The following CHRNA7 variants were observed in gnomAD, a reference collection of about 807,000 sequenced individuals.
CHRNA7 encodes cholinergic receptor nicotinic alpha 7 subunit.
A neutral mutation model predicts 48.0 loss-of-function variants in CHRNA7; 17 were observed. The observed-to-expected ratio is 0.35, with a 90% CI of 0.24 to 0.53. CHRNA7 has a LOEUF of 0.53. Ranked by LOEUF, CHRNA7 falls within the 20% of genes least tolerant of loss-of-function variation. The probability of loss-of-function intolerance (pLI) is 0.92; values close to 1 mark genes in which losing one functional copy is unlikely to be tolerated. For missense variants in CHRNA7, 155 were observed against 577.7 expected, an observed-to-expected ratio of 0.27 and a Z score of 7.50; for synonymous variants, 75 against 242.3, an observed-to-expected ratio of 0.31 and a Z score of 6.41.
chr15:32,051,354 C>T (rs1406006858), intron 2 of CHRNA7, among the ~76,000 whole-genome samples: 10 of 152,300 alleles, frequency 6.6e-5, no homozygotes, highest in South Asian at 6.2e-4. Flanking sequence ...TAGGCAATGG[C>T]GGGCGCCCCT....
intron 2 of CHRNA7, among the ~76,000 whole-genome samples, chr15:32,037,834 G>A (rs1902165741): frequency 6.6e-6 from 1 of 151,506 alleles, no homozygotes; most frequent in African/African-American, 2.4e-5. Flanking sequence ...TTTTCTACAT[G>A]AACGATCATG....
At position 32,136,497 on chromosome 15, in the gene CHRNA7, C is replaced by CA. The variant is rs34839510; in HGVS notation, c.351-17393dup. On this transcript the variant is annotated intron_variant, in intron 4 of 9. Transcript: ENST00000306901. ...TGAGTGACAGAGCAAGACTCCATCT[C>CA]AAAAAAAAAAAAAAAAAGATGGAAT... Among the ~76,000 whole-genome samples, 375 of 110,270 alleles carry CA rather than the reference C, an allele frequency of 3.4e-3. 3 individuals are homozygous for CA. Among genetic ancestry groups the CA allele is most frequent in the South Asian group, 0.014 (46 of 3,376 alleles). The allele number at this position is 110,270 out of a possible 152,430, so 72.3% of individuals were successfully genotyped here.
At chr15:32,096,393 G>T (rs1400679573) in intron 2 of CHRNA7, among the ~76,000 whole-genome samples, 2 of 152,096 alleles carry the variant, frequency 1.3e-5, no homozygotes, top group Non-Finnish European at 2.9e-5. Flanking sequence ...TGAGTCTTTT[G>T]TCAGACCTAC....
intron 4 of CHRNA7, among the ~76,000 whole-genome samples, chr15:32,134,249 C>A (rs996541030): frequency 6.6e-6 from 1 of 151,952 alleles, no homozygotes; most frequent in South Asian, 2.1e-4. Flanking sequence ...ACCTTCACTT[C>A]CCAAGTTCAA....
At chr15:32,138,822 C>T (rs920815394) in intron 4 of CHRNA7, among the ~76,000 whole-genome samples, 2 of 151,976 alleles carry the variant, frequency 1.3e-5, no homozygotes, top group Admixed American at 6.6e-5. Context: ...GGTGCGATCT[C>T]GGCTCACTGC....
intron 2 of CHRNA7, among the ~76,000 whole-genome samples, chr15:32,048,922 T>G (rs28813175): frequency 0.034 from 5,108 of 151,498 alleles, 122 homozygotes; most frequent in Middle Eastern, 0.085. Context: ...TTCATTTCGT[T>G]ATGTACCCAG....
At chr15:32,037,530 A>T (rs996552664) in intron 2 of CHRNA7, among the ~76,000 whole-genome samples, 5 of 152,034 alleles carry the variant, frequency 3.3e-5, no homozygotes, top group Non-Finnish European at 5.9e-5. Context: ...ACAATACTGA[A>T]TTTTTCTATT....
chr15:32,118,712 G>A (rs1251980294), intron 4 of CHRNA7, among the ~76,000 whole-genome samples: 1 of 152,118 alleles, frequency 6.6e-6, no homozygotes, highest in Non-Finnish European at 1.5e-5. Flanking sequence ...TGGGAACTAA[G>A]GATTCAGCAG....
At chr15:32,044,884 C>G (rs2049512741) in intron 2 of CHRNA7, among the ~76,000 whole-genome samples, 1 of 152,204 alleles carries the variant, frequency 6.6e-6, no homozygotes, top group Admixed American at 6.5e-5. Flanking sequence ...ATGGAGAAGA[C>G]TAATTTATTC....
intron 2 of CHRNA7, among the ~76,000 whole-genome samples, chr15:32,068,083 A>G (rs1595408256): frequency 1.3e-5 from 2 of 152,276 alleles, no homozygotes; most frequent in East Asian, 3.9e-4. Context: ...AGGCTGAGAC[A>G]GGAGGATTGC....
At chr15:32,087,793 T>C (rs2050322246) in intron 2 of CHRNA7, among the ~76,000 whole-genome samples, 1 of 152,218 alleles carries the variant, frequency 6.6e-6, no homozygotes, top group South Asian at 2.1e-4. Context: ...GCAATGCTGA[T>C]ACACAGTTCC....
chr15:32,069,653 C>A (rs1033780363), intron 2 of CHRNA7, among the ~76,000 whole-genome samples: 14 of 152,002 alleles, frequency 9.2e-5, no homozygotes, highest in African/African-American at 3.4e-4. Context: ...TCTCAGAAAA[C>A]AAAAACAAAA....
chr15:32,093,334 C>T (rs182227578), intron 2 of CHRNA7, among the ~76,000 whole-genome samples: 1 of 152,254 alleles, frequency 6.6e-6, no homozygotes, highest in Non-Finnish European at 1.5e-5. Context: ...AGATAGGGGG[C>T]CCTTTCTCAT....
At chr15:32,143,448 A>G (rs2051422977) in intron 4 of CHRNA7, among the ~76,000 whole-genome samples, 2 of 152,206 alleles carry the variant, frequency 1.3e-5, no homozygotes, top group Admixed American at 6.5e-5. Flanking sequence ...CACTTGGGGC[A>G]GAGCTAAGTT....
chr15:32,052,219 A>G (rs1239160711), intron 2 of CHRNA7, among the ~76,000 whole-genome samples: 1 of 147,778 alleles, frequency 6.8e-6, no homozygotes, highest in Non-Finnish European at 1.5e-5. Flanking sequence ...TTTTTTCCCC[A>G]AGCTCTTCTA....
At chr15:32,093,678 C>G (rs2050419460) in intron 2 of CHRNA7, among the ~76,000 whole-genome samples, 1 of 152,206 alleles carries the variant, frequency 6.6e-6, no homozygotes, top group Admixed American at 6.5e-5. Flanking sequence ...CATTTATTCT[C>G]CCTAAAGGAG....
At chr15:32,031,597 G>C (rs752658780) in intron 2 of CHRNA7, among the ~76,000 whole-genome samples, 2 of 152,176 alleles carry the variant, frequency 1.3e-5, no homozygotes, top group African/African-American at 2.4e-5. Context: ...GGTGAGGACA[G>C]GTACTGGGAG....
intron 4 of CHRNA7, among the ~76,000 whole-genome samples, chr15:32,116,623 C>T (rs2050876030): frequency 6.6e-6 from 1 of 152,238 alleles, no homozygotes; most frequent in South Asian, 2.1e-4. Flanking sequence ...GAATTAAAGG[C>T]CTTGCTGGGA....
At chr15:32,127,513 C>A (rs1401732099) in intron 4 of CHRNA7, among the ~76,000 whole-genome samples, 1 of 151,964 alleles carries the variant, frequency 6.6e-6, no homozygotes, top group Non-Finnish European at 1.5e-5. Flanking sequence ...GTAGTGATAA[C>A]CCATTGTGTT....
Sources: allele counts gnomAD v4.1 joint callset (sites outside exome capture counted in the v4.1 genomes callset), GRCh38; gene constraint gnomAD v4.1.1; transcripts MANE v1.5; gene names NCBI Gene and HGNC (gene_info 2026-07-23, HGNC 2026-07-21).